The following ZNF713 variants were observed in gnomAD, a reference collection of about 807,000 sequenced individuals.
ZNF713 encodes zinc finger protein 713.
A neutral mutation model predicts 28.7 loss-of-function variants in ZNF713; 21 were observed. The ratio of observed to expected loss-of-function variants is 0.73; its 90% CI spans 0.52 to 1.05. ZNF713 has a LOEUF of 1.05. Ranked by LOEUF, ZNF713 falls within the 50% of genes least tolerant of loss-of-function variation. ZNF713 has a pLI of 0.00. For missense variants in ZNF713, 458 were observed against 532.4 expected (o/e 0.86, Z 1.37); for synonymous variants, 167 against 178.0 (o/e 0.94, Z 0.49).
intron 4 of ZNF713, among the ~76,000 whole-genome samples, chr7:55,916,247 G>A (rs1226192892): frequency 2.0e-5 from 3 of 152,144 alleles, no homozygotes; most frequent in African/African-American, 4.8e-5. Flanking sequence ...GTTACCTGTC[G>A]AATTTCATCA....
chr7:55,887,650 GAGC>G lies in ZNF713; in HGVS notation c.-612_-610del, dbSNP rs1785272899. The G allele has an allele frequency of 5.8e-6, 1 of 173,346 alleles. No homozygotes were observed. Among genetic ancestry groups the G allele is most frequent in the Non-Finnish European group, 1.1e-5 (1 of 87,896 alleles). 10.7% of individuals were successfully genotyped at this position (173,346 alleles called of 1,614,324 possible). A position where few individuals can be genotyped will look rare whatever the true frequency, so the allele number is the denominator to read the frequency against. The stretch of plus-strand genomic sequence containing the variant: ...GCGGCGGCGGCGGCGTCAGGGGGCG[GAGC>G]CTGCCGAAGCGCCCTTTGTCTGCGG... On this transcript the variant is annotated 5_prime_UTR_variant, in exon 1 of 7. Transcript: ENST00000429591.
chr7:55,934,979 CCT>C (rs1786316677), intron 6 of ZNF713, among the ~76,000 whole-genome samples: 1 of 151,096 alleles, frequency 6.6e-6, no homozygotes, highest in Admixed American at 6.6e-5. Context: ...ACCTCCGCCT[CCT>C]GGGTTCAAGT....
chr7:55,893,327 A>C (rs151064273), intron 1 of ZNF713, among the ~76,000 whole-genome samples: 12 of 152,312 alleles, frequency 7.9e-5, no homozygotes, highest in African/African-American at 2.9e-4. Flanking sequence ...GTATGATCTC[A>C]TGCTATAGAT....
intron 2 of ZNF713, among the ~76,000 whole-genome samples, chr7:55,911,234 T>C (rs929422008): frequency 3.3e-5 from 5 of 152,210 alleles, no homozygotes; most frequent in Non-Finnish European, 5.9e-5. Context: ...TCAACCTTTG[T>C]GAACAGAAAA....
intron 4 of ZNF713, among the ~76,000 whole-genome samples, chr7:55,921,763 A>G (rs1003750950): frequency 2.6e-5 from 4 of 152,246 alleles, no homozygotes; most frequent in African/African-American, 9.6e-5. Flanking sequence ...AGAATATTCC[A>G]TAAACTTATT....
intron 1 of ZNF713, among the ~76,000 whole-genome samples, chr7:55,890,793 A>T (rs1249207631): frequency 6.6e-6 from 1 of 151,688 alleles, no homozygotes; most frequent in African/African-American, 2.4e-5. Context: ...GCCGAGGTGG[A>T]TGGATCATCT....
At chr7:55,918,170 C>T (rs1267003261) in intron 4 of ZNF713, 3 of 454,564 alleles carry the variant, frequency 6.6e-6, no homozygotes, top group Admixed American at 4.7e-5. Flanking sequence ...GGGATGCTTA[C>T]TCTAAACCCG....
In ZNF713 at chr7:55,939,986, C is replaced by T; in HGVS notation, c.1312C>T (p.Pro438Ser). 1 of 1,589,978 alleles carries T rather than the reference C, an allele frequency of 6.3e-7. No homozygotes were observed. The highest frequency in any genetic ancestry group is 8.6e-7 in the Non-Finnish European group (1 of 1,166,230). ...YKCEQTVRHS[P>S]SFSST ...ATGTGAGCAAACTGTTCGCCACAGT[C>T]CTTCATTTAGCAGCACATAACTTAT... is the stretch of plus-strand genomic sequence containing the variant. The change falls in exon 7 of 7, where the codon CCT becomes TCT. Residue 438 changes from proline to serine, a missense_variant. Transcript: ENST00000429591.
chr7:55,913,614 A>T (rs1176617113), intron 4 of ZNF713, among the ~76,000 whole-genome samples: 5 of 152,172 alleles, frequency 3.3e-5, no homozygotes, highest in Non-Finnish European at 7.3e-5. Context: ...GAGTTGATAA[A>T]TGCTGTCACT....
rs1646670321 is a variant in ZNF713, at chr7:55,940,129, T to C, written c.*123T>C. On this transcript the variant is annotated 3_prime_UTR_variant, in exon 7 of 7. Coordinates refer to ENST00000429591, the MANE Select transcript of ZNF713 (RefSeq NM_182633.3). ...AAAGCTTATACATAAATTTTTGTTT[T>C]GTTTTGTTTTTGAGACTGAGTCTCA... 1.4e-6 allele frequency: 2 copies of C among 1,422,312 alleles called. No homozygotes were observed. The highest frequency in any genetic ancestry group is 2.9e-5 in the African/African-American group (2 of 69,258). 88.1% of individuals were successfully genotyped at this position (1,422,312 alleles called of 1,614,324 possible). A position where few individuals can be genotyped will look rare whatever the true frequency, so the allele number is the denominator to read the frequency against.
At chr7:55,938,653 CCT>C (rs1786402413) in intron 6 of ZNF713, among the ~76,000 whole-genome samples, 2 of 151,332 alleles carry the variant, frequency 1.3e-5, no homozygotes, top group Non-Finnish European at 1.5e-5. Flanking sequence ...TAATCATTCC[CCT>C]GTCTCCCACC....
At chr7:55,912,755 C>T in intron 4 of ZNF713, 32 bp downstream of exon 4, 1 of 1,562,504 alleles carries the variant, frequency 6.4e-7, no homozygotes, top group Non-Finnish European at 8.8e-7. Context: ...TCTGAAATGC[C>T]AGTGTTCTCA....
chr7:55,936,805 T>G (rs886886691), intron 6 of ZNF713, among the ~76,000 whole-genome samples: 1 of 152,118 alleles, frequency 6.6e-6, no homozygotes, highest in Non-Finnish European at 1.5e-5. Context: ...AGTAGAGATA[T>G]ATCTATCTAG....
chr7:55,898,991 C>T (rs4947527), intron 1 of ZNF713, among the ~76,000 whole-genome samples: 6,646 of 152,144 alleles, frequency 0.044, 172 homozygotes, highest in South Asian at 0.063. Flanking sequence ...GAAAAGGGAA[C>T]GCTTATGCAC....
intron 6 of ZNF713, among the ~76,000 whole-genome samples, chr7:55,935,736 G>A (rs564130781): frequency 6.6e-6 from 1 of 151,832 alleles, no homozygotes; most frequent in African/African-American, 2.4e-5. Flanking sequence ...GGCGGATCAT[G>A]AGGTCAGGAG....
chr7:55,903,440 C>T (rs1016029063), intron 1 of ZNF713, among the ~76,000 whole-genome samples: 4 of 151,768 alleles, frequency 2.6e-5, no homozygotes, highest in South Asian at 2.1e-4. Flanking sequence ...GAGGACAAGG[C>T]GGGAAGATCA....
At chr7:55,917,270 A>AC (rs1487233791) in intron 4 of ZNF713, among the ~76,000 whole-genome samples, 10 of 112,012 alleles carry the variant, frequency 8.9e-5, no homozygotes, top group Non-Finnish European at 1.7e-4. Context: ...GAAAAAAAAA[A>AC]ACAACAAACT....
intron 2 of ZNF713, among the ~76,000 whole-genome samples, chr7:55,910,403 A>G (rs189301447): frequency 1.4e-3 from 211 of 152,248 alleles, no homozygotes; most frequent in Middle Eastern, 3.4e-3. Context: ...ACTTTTCCCC[A>G]TTCGATATGA....
chr7:55,940,205 C>G lies in ZNF713; in HGVS notation c.*199C>G, dbSNP rs192079680. On this transcript the variant is annotated 3_prime_UTR_variant, in exon 7 of 7. Transcript: ENST00000429591. Reference sequence around the variant, plus strand: ...TGGTACAATCTTGGCTCACTGCAACCTCTGCCACCTGGGTTCAAGCGATTC... The same window carrying G: ...TGGTACAATCTTGGCTCACTGCAACGTCTGCCACCTGGGTTCAAGCGATTC... 3 of 938,880 alleles carry G rather than the reference C, an allele frequency of 3.2e-6. No individual in the cohort carries two copies. In the East Asian group the frequency reaches 9.6e-5, roughly 30 times the overall value. The allele number at this position is 938,880 out of a possible 1,614,324, so 58.2% of individuals were successfully genotyped here.
Sources: gnomAD v4.1 joint callset for allele counts (sites outside exome capture counted in the v4.1 genomes callset) on GRCh38, gnomAD v4.1.1 for gene constraint, MANE v1.5 for transcripts, NCBI Gene and HGNC (gene_info 2026-07-23, HGNC 2026-07-21) for gene names.